The following FAM185A variants were observed in gnomAD, a reference collection of about 807,000 sequenced individuals.
The protein encoded by FAM185A is family with sequence similarity 185 member A, also known as protein FAM185A.
Under a neutral mutation model 45.7 loss-of-function variants are expected in FAM185A, and 21 were observed. The observed-to-expected ratio is 0.46, with a 90% CI of 0.33 to 0.66. The LOEUF (loss-of-function observed/expected upper bound fraction) is 0.66, where lower values mean the gene tolerates loss of function less well. FAM185A is among the 30% of genes least tolerant of loss of function. FAM185A has a pLI of 0.03. For synonymous variants in FAM185A, 117 were observed against 194.0 expected (o/e 0.60, Z 3.30); for missense variants, 305 against 485.4 (o/e 0.63, Z 3.49).
the FAM185A span, among the ~76,000 whole-genome samples, chr7:102,835,488 A>T: frequency 2.0e-5 from 3 of 152,146 alleles, no homozygotes; most frequent in Admixed American, 6.5e-5. Context: ...ATTAGAACAC[A>T]GTAAGTGCTC....
chr7:102,817,680 T>TA, the FAM185A span, among the ~76,000 whole-genome samples: 1 of 152,154 alleles, frequency 6.6e-6, no homozygotes, highest in African/African-American at 2.4e-5. Flanking sequence ...CCCCTCCCCT[T>TA]TCTCTCTTAA....
the FAM185A span, among the ~76,000 whole-genome samples, chr7:102,827,664 T>C: frequency 0.014 from 2,092 of 152,188 alleles, 115 homozygotes; most frequent in East Asian, 0.16. Context: ...CTCGTAATGC[T>C]ATTCCTCCCC....
At chr7:102,749,746 T>A in intron 1 of FAM185A, 88 bp downstream of exon 1, 1 of 1,477,342 alleles carries the variant, frequency 6.8e-7, no homozygotes, top group Non-Finnish European at 9.0e-7. Flanking sequence ...TTTTAATTGG[T>A]CCTGGCTCTC....
the FAM185A span, among the ~76,000 whole-genome samples, chr7:102,839,528 T>C: frequency 1.3e-5 from 2 of 152,188 alleles, no homozygotes; most frequent in African/African-American, 4.8e-5. Context: ...TCTTGGCTCA[T>C]TGCAACCTCC....
the FAM185A span, chr7:102,834,511 T>A: frequency 1.3e-5 from 2 of 149,936 alleles, no homozygotes; most frequent in Non-Finnish European, 3.0e-5. Flanking sequence ...ATTCTCTAGC[T>A]ATCTCTAAGA....
chr7:102,806,173 C>T (rs1178222626), intron 7 of FAM185A, among the ~76,000 whole-genome samples: 1 of 151,678 alleles, frequency 6.6e-6, no homozygotes, highest in Non-Finnish European at 1.5e-5. Flanking sequence ...TATTAAGTTG[C>T]TCATTTGCTT....
chr7:102,768,942 G>T (rs1276463207), intron 4 of FAM185A, among the ~76,000 whole-genome samples: 3 of 152,062 alleles, frequency 2.0e-5, no homozygotes, highest in African/African-American at 7.2e-5. Context: ...TCAAAATATA[G>T]AAAATTTTGC....
the FAM185A span, among the ~76,000 whole-genome samples, chr7:102,834,083 A>AGG: frequency 0.016 from 1,441 of 88,686 alleles, 54 homozygotes; most frequent in African/African-American, 0.046. Flanking sequence ...GAAGGAAGGA[A>AGG]AGAAAAGAAA....
intron 7 of FAM185A, among the ~76,000 whole-genome samples, chr7:102,793,531 C>G (rs1209653694): frequency 2.6e-5 from 4 of 151,660 alleles, no homozygotes; most frequent in Non-Finnish European, 5.9e-5. Context: ...TTTTTATTTC[C>G]CCACCTTTTT....
intron 6 of FAM185A, among the ~76,000 whole-genome samples, chr7:102,781,820 C>T (rs191899962): frequency 4.6e-5 from 7 of 152,202 alleles, no homozygotes; most frequent in East Asian, 1.9e-4. Flanking sequence ...ATGACTTTGA[C>T]GAGTTGAGAG....
chr7:102,831,424 C>T, the FAM185A span, among the ~76,000 whole-genome samples: 1 of 151,538 alleles, frequency 6.6e-6, no homozygotes, highest in South Asian at 2.1e-4. Context: ...CACACACACA[C>T]ACACACACCC....
At chr7:102,826,751 ATATATATATATATATATATATG>A in the FAM185A span, among the ~76,000 whole-genome samples, 3 of 109,844 alleles carry the variant, frequency 2.7e-5, no homozygotes, top group Admixed American at 1.1e-4. Flanking sequence ...ATATATATAT[ATATATATATATATATATATATG>A]TATATATATC....
At chr7:102,824,455 T>C in the FAM185A span, among the ~76,000 whole-genome samples, 1 of 152,186 alleles carries the variant, frequency 6.6e-6, no homozygotes, top group Non-Finnish European at 1.5e-5. Flanking sequence ...CATTAACAGA[T>C]TTGTAAATAC....
At chr7:102,824,785 CTTTT>C in the FAM185A span, among the ~76,000 whole-genome samples, 162 of 124,062 alleles carry the variant, frequency 1.3e-3, no homozygotes, top group African/African-American at 4.2e-3. Context: ...CATGCCCGGC[CTTTT>C]TTTTTTTTTT....
At chr7:102,813,410 A>T, downstream of FAM185A, 1 of 1,614,080 alleles carries the variant, frequency 6.2e-7, no homozygotes, top group Non-Finnish European at 8.5e-7. Flanking sequence ...CCTTTAGATG[A>T]TGTTATGTTG....
chr7:102,792,453 G>C (rs1796192889), intron 7 of FAM185A, among the ~76,000 whole-genome samples: 1 of 102,878 alleles, frequency 9.7e-6, no homozygotes, highest in South Asian at 3.8e-4. Flanking sequence ...GAGTGGCTTA[G>C]GTAAGATGCT....
At chr7:102,841,997 T>C in the FAM185A span, among the ~76,000 whole-genome samples, 1 of 152,210 alleles carries the variant, frequency 6.6e-6, no homozygotes, top group South Asian at 2.1e-4. Context: ...CCCAATACCC[T>C]GTAAAACACT....
downstream of FAM185A, among the ~76,000 whole-genome samples, chr7:102,811,613 T>C (rs1797442204): frequency 6.6e-6 from 1 of 152,246 alleles, no homozygotes; most frequent in Non-Finnish European, 1.5e-5. Flanking sequence ...GTGTGTTTCT[T>C]ACCGGGGTCT....
rs536080556 is a variant in FAM185A, at chr7:102,759,188, T to C, written c.654+1242T>C. On this transcript the variant is annotated intron_variant, in intron 3 of 7. Transcript: ENST00000413034. ...TTACAGCCCCTTCAAACTCAGTAAA[T>C]GATGGCTAATGTTATTGAAATAAGT... 1.8e-4 allele frequency among the ~76,000 whole-genome samples: 28 copies of C among 152,182 alleles called. No individual in the cohort carries two copies. In the South Asian group the frequency reaches 5.2e-3, roughly 28 times the overall value.
Sources: allele counts gnomAD v4.1 joint callset (sites outside exome capture counted in the v4.1 genomes callset), GRCh38; gene constraint gnomAD v4.1.1; transcripts MANE v1.5; gene names NCBI Gene and HGNC (gene_info 2026-07-23, HGNC 2026-07-21).